CYP7B1: variants seen among roughly 807,000 people sequenced by gnomAD.
The protein encoded by CYP7B1 is cytochrome P450 7B1.
Under a neutral mutation model 42.7 loss-of-function variants are expected in CYP7B1, and 29 were observed. The ratio of observed to expected loss-of-function variants is 0.68; its 90% confidence interval spans 0.51 to 0.93. The LOEUF is 0.93. CYP7B1 is among the 40% of genes least tolerant of loss of function. CYP7B1 has a pLI of 0.00. For synonymous variants in CYP7B1, 235 were observed against 218.2 expected (o/e 1.08, Z -0.68); for missense variants, 655 against 600.5 (o/e 1.09, Z -0.95).
At chr8:64,729,742 C>T (rs1000889184) in intron 1 of CYP7B1, among the ~76,000 whole-genome samples, 15 of 152,078 alleles carry the variant, frequency 9.9e-5, no homozygotes, top group African/African-American at 2.9e-4. Context: ...TCATCACATT[C>T]CTTTCTAAAT....
rs966144885 is a variant in CYP7B1 at position 64,591,199 on chromosome 8, C to T, written c.*5443G>A. Among the ~76,000 whole-genome samples, 4 of 152,008 alleles carry T rather than the reference C, an allele frequency of 2.6e-5. No individual in the cohort carries two copies. The highest frequency in any genetic ancestry group is 9.7e-5 in the African/African-American group (4 of 41,404). ...GCCAAAAAGTTCAAACATCAATGAT[C>T]ACTGATTTAGATAAACAAATGAAGT... On this transcript the variant is annotated 3_prime_UTR_variant, in exon 6 of 6. Transcript: ENST00000310193.
At chr8:64,670,482 TAC>T (rs1806349689) in intron 1 of CYP7B1, among the ~76,000 whole-genome samples, 1 of 152,198 alleles carries the variant, frequency 6.6e-6, no homozygotes. Flanking sequence ...TGACATTTAT[TAC>T]AGTCAGTAAA....
intron 1 of CYP7B1, among the ~76,000 whole-genome samples, chr8:64,716,441 T>A (rs1191224294): frequency 6.6e-6 from 1 of 152,110 alleles, no homozygotes; most frequent in African/African-American, 2.4e-5. Context: ...GCACGGTGGC[T>A]CACACCTGTA....
At chr8:64,762,569 C>T (rs1318115009) in intron 1 of CYP7B1, among the ~76,000 whole-genome samples, 4 of 152,152 alleles carry the variant, frequency 2.6e-5, no homozygotes, top group African/African-American at 4.8e-5. Flanking sequence ...CATTTGAAAA[C>T]GTGGTTTCAT....
At chr8:64,758,185 C>T (rs542847343) in intron 1 of CYP7B1, among the ~76,000 whole-genome samples, 1 of 152,200 alleles carries the variant, frequency 6.6e-6, no homozygotes, top group East Asian at 1.9e-4. Flanking sequence ...GTAGAGAGTC[C>T]ACTGCCCCTT....
rs777047541 is a variant in CYP7B1 at position 64,596,960 on chromosome 8, T to C, written c.1234-31A>G. On this transcript the variant is annotated intron_variant, in intron 5 of 5. Coordinates refer to ENST00000310193, the MANE Select transcript of CYP7B1 (RefSeq NM_004820.5). Reference sequence around the variant, plus strand: ...AGGAAGAATAGTGTTAAAATTAACATTTTATATGAAATAGTTTGAGTTCAA... The same window carrying C: ...AGGAAGAATAGTGTTAAAATTAACACTTTATATGAAATAGTTTGAGTTCAA... The C allele has an allele frequency of 2.2e-5, 35 of 1,563,618 alleles. No homozygotes were observed. The African/African-American group carries it at 3.4e-4, about 15-fold the overall frequency.
chr8:64,786,048 C>T (rs552910571), intron 1 of CYP7B1, among the ~76,000 whole-genome samples: 5 of 152,234 alleles, frequency 3.3e-5, no homozygotes, highest in Non-Finnish European at 7.4e-5. Flanking sequence ...GGAAATAACC[C>T]CCATGATCCA....
chr8:64,664,733 C>G (rs548708302), intron 1 of CYP7B1, among the ~76,000 whole-genome samples: 17 of 152,148 alleles, frequency 1.1e-4, no homozygotes, highest in Non-Finnish European at 1.9e-4. Context: ...AGGACAGGGC[C>G]GTGAGCTGAG....
At chr8:64,677,013 A>G (rs1563386926) in intron 1 of CYP7B1, among the ~76,000 whole-genome samples, 4 of 152,116 alleles carry the variant, frequency 2.6e-5, no homozygotes, top group Admixed American at 1.3e-4. Flanking sequence ...CTTTTGTTCT[A>G]ATGTAAAAGG....
intron 1 of CYP7B1, among the ~76,000 whole-genome samples, chr8:64,628,221 C>T (rs903768906): frequency 6.6e-6 from 1 of 152,196 alleles, no homozygotes; most frequent in African/African-American, 2.4e-5. Flanking sequence ...TGAGCTTATA[C>T]AGGCTCTTGA....
At chr8:64,597,909 CA>C (rs1379274887) in intron 5 of CYP7B1, among the ~76,000 whole-genome samples, 1 of 152,086 alleles carries the variant, frequency 6.6e-6, no homozygotes, top group Non-Finnish European at 1.5e-5. Context: ...AAGACGAATG[CA>C]AAAAAGTAGG....
At chr8:64,610,270 T>C (rs1431675490) in intron 4 of CYP7B1, among the ~76,000 whole-genome samples, 2 of 152,214 alleles carry the variant, frequency 1.3e-5, no homozygotes, top group East Asian at 3.8e-4. Context: ...TTTTAACTGC[T>C]GTTTCCTTAT....
At chr8:64,786,660 T>C (rs913366666) in intron 1 of CYP7B1, among the ~76,000 whole-genome samples, 6 of 152,126 alleles carry the variant, frequency 3.9e-5, no homozygotes, top group South Asian at 2.1e-4. Flanking sequence ...TGTCAGTGGA[T>C]CTACCATTAT....
At chr8:64,674,790 T>C (rs1017720839) in intron 1 of CYP7B1, among the ~76,000 whole-genome samples, 4 of 152,180 alleles carry the variant, frequency 2.6e-5, no homozygotes, top group Admixed American at 1.3e-4. Context: ...TACCTTTGTT[T>C]TGGATCACAG....
chr8:64,759,843 A>G (rs969567827), intron 1 of CYP7B1, among the ~76,000 whole-genome samples: 3 of 152,206 alleles, frequency 2.0e-5, no homozygotes, highest in Non-Finnish European at 4.4e-5. Context: ...CCACTCAATC[A>G]TAGCTGCACA....
intron 2 of CYP7B1, among the ~76,000 whole-genome samples, chr8:64,618,102 G>T (rs1447456503): frequency 6.7e-6 from 1 of 149,410 alleles, no homozygotes; most frequent in African/African-American, 2.5e-5. Flanking sequence ...AGAGCAAAAA[G>T]GATTCAACCC....
At chr8:64,667,342 A>G (rs1806296909) in intron 1 of CYP7B1, among the ~76,000 whole-genome samples, 1 of 152,122 alleles carries the variant, frequency 6.6e-6, no homozygotes, top group Non-Finnish European at 1.5e-5. Flanking sequence ...ATCCCCGTGC[A>G]ATAGAAATGC....
intron 3 of CYP7B1, among the ~76,000 whole-genome samples, 190 bp downstream of exon 3, chr8:64,615,501 C>A (rs1458602613): frequency 6.7e-6 from 1 of 148,896 alleles, no homozygotes; most frequent in Non-Finnish European, 1.5e-5. Context: ...CATTAAGTAT[C>A]TTGTTTTACC....
At chr8:64,618,956 T>C (rs1805489407) in intron 2 of CYP7B1, among the ~76,000 whole-genome samples, 1 of 152,136 alleles carries the variant, frequency 6.6e-6, no homozygotes, top group African/African-American at 2.4e-5. Flanking sequence ...TACTATCTTT[T>C]TTATTGAGAT....
Sources: gnomAD v4.1 joint callset for allele counts (sites outside exome capture counted in the v4.1 genomes callset) on GRCh38, gnomAD v4.1.1 for gene constraint, MANE v1.5 for transcripts, NCBI Gene and HGNC (gene_info 2026-07-23, HGNC 2026-07-21) for gene names.